The following PCDHGA3 variants were observed in gnomAD, a reference collection of about 807,000 sequenced individuals.
PCDHGA3 encodes the protein protocadherin gamma subfamily A, 3, also known as protocadherin gamma-A3.
Under a neutral mutation model 58.5 loss-of-function variants are expected in PCDHGA3, and 40 were observed. The observed-to-expected ratio is 0.68, with a 90% confidence interval of 0.53 to 0.89. The LOEUF is 0.89. PCDHGA3 is among the 40% of genes least tolerant of loss of function. The probability of loss-of-function intolerance (pLI) is 0.00; values close to 1 mark genes in which losing one functional copy is unlikely to be tolerated. For missense variants in PCDHGA3, 1,223 were observed against 1,195.9 expected, an observed-to-expected ratio of 1.02 and a Z score of -0.33; for synonymous variants, 530 against 525.7, an observed-to-expected ratio of 1.01 and a Z score of -0.11.
intron 1 of PCDHGA3, among the ~76,000 whole-genome samples, chr5:141,448,660 G>T (rs2098599264): frequency 6.6e-6 from 1 of 151,712 alleles, no homozygotes; most frequent in African/African-American, 2.4e-5. Context: ...TTCCATATTG[G>T]CCGGGCGCGG....
intron 1 of PCDHGA3, chr5:141,441,665 A>G (rs994092543): frequency 2.3e-5 from 6 of 265,720 alleles, no homozygotes; most frequent in Non-Finnish European, 3.7e-5. Context: ...CCTTGAGCGC[A>G]CAGTGCGCCT....
At position 141,408,301 on chromosome 5, in the gene PCDHGA3, C is replaced by T. The variant is rs1472435921; in HGVS notation, c.2424+61844C>T. 3.1e-6 allele frequency: 5 copies of T among 1,613,756 alleles called. No individual in the cohort carries two copies. In the Admixed American group the frequency reaches 8.3e-5, roughly 27 times the overall value. ...TCTACCCCACCCTGAGTGAGCCGAT[C>T]CGCTACTCGATTCCGGAGGAGCTGG... On this transcript the variant is annotated intron_variant, in intron 1 of 3. Transcript: ENST00000253812.
In PCDHGA3 at chr5:141,432,085, G is replaced by A. The variant is rs144065251; in HGVS notation, c.2425-62722G>A. 2.2e-4 allele frequency: 353 copies of A among 1,614,164 alleles called. 1 individual carries two copies. The African/African-American group carries it at 4.2e-3, about 19-fold the overall frequency. ...CGGAAACTCATATCTCGCTGAACGT[G>A]GCAGACACCAACGACAACCCGCCGG... On this transcript the variant is annotated intron_variant, in intron 1 of 3. Transcript: ENST00000253812. This position sits in a 1 kb window ranked among gnomAD's most constrained non-coding sequence, Gnocchi z 6.0.
chr5:141,429,169 TACACACACACACACACACAC>T (rs10667977), intron 1 of PCDHGA3: 4 of 145,394 alleles, frequency 2.8e-5, no homozygotes, highest in Non-Finnish European at 6.0e-5. Flanking sequence ...ACATTGTTTA[TACACACACACACACACACAC>T]ACACACACAC....
chr5:141,490,990 C>A lies in PCDHGA3; in HGVS notation c.2425-3817C>A, dbSNP rs1230384508. On this transcript the variant is annotated intron_variant, in intron 1 of 3. Transcript: ENST00000253812. The surrounding 1 kb of genome is among the most constrained non-coding windows in gnomAD (Gnocchi z 5.4). ...CCCCCAGCGTCTCCCTCGCTCTGCTCCTCCTGGCTCCTTGGTCACCAAGGT... is the reference window on the plus strand; with the variant it reads ...CCCCCAGCGTCTCCCTCGCTCTGCTACTCCTGGCTCCTTGGTCACCAAGGT... The A allele has an allele frequency of 6.2e-7, 1 of 1,614,102 alleles. No homozygotes were observed. The highest frequency in any genetic ancestry group is 8.5e-7 in the Non-Finnish European group (1 of 1,180,022).
At chr5:141,404,408 A>C (rs2154535328) in intron 1 of PCDHGA3, 1 of 1,613,900 alleles carries the variant, frequency 6.2e-7, no homozygotes, top group East Asian at 2.2e-5. Flanking sequence ...TGAGAATTCT[A>C]GAGTTATTTA....
chr5:141,414,486 AACGG>A, intron 1 of PCDHGA3: 1 of 1,613,938 alleles, frequency 6.2e-7, no homozygotes, highest in Non-Finnish European at 8.5e-7. Flanking sequence ...CTCCTCTATC[AACGG>A]AAGCTCACTT....
Position 141,399,846 on chromosome 5 carries a change from G to T in PCDHGA3, c.2424+53389G>T, listed in dbSNP as rs377634920. 19 of 1,612,980 alleles carry T rather than the reference G, an allele frequency of 1.2e-5. No homozygotes were observed. The highest frequency in any genetic ancestry group is 5.3e-5 in the African/African-American group (4 of 75,050). On this transcript the variant is annotated intron_variant, in intron 1 of 3. Transcript: ENST00000253812. ...CCGACGGCTCTGCGCTCTTCGATAT[G>T]GTGCCGCGCGCTGCAGAGCCCGGCT...
chr5:141,370,507 C>T, intron 1 of PCDHGA3: 3 of 1,613,920 alleles, frequency 1.9e-6, no homozygotes, highest in Non-Finnish European at 2.5e-6. Context: ...TACGCTATTC[C>T]CGAGGAGCTG....
At chr5:141,365,669 G>A (rs1304025932) in intron 1 of PCDHGA3, 2 of 1,613,344 alleles carry the variant, frequency 1.2e-6, no homozygotes, top group Admixed American at 3.3e-5. Flanking sequence ...AGACGTTAAT[G>A]ACAACCCACC....
intron 1 of PCDHGA3, among the ~76,000 whole-genome samples, chr5:141,481,728 C>T (rs529419213): frequency 2.1e-4 from 32 of 152,032 alleles, no homozygotes; most frequent in African/African-American, 7.2e-4. Flanking sequence ...CGGAGGCGGG[C>T]GGATCACGAG....
chr5:141,465,968 A>G (rs2099113507), intron 1 of PCDHGA3, among the ~76,000 whole-genome samples: 3 of 151,940 alleles, frequency 2.0e-5, no homozygotes, highest in Admixed American at 6.6e-5. Flanking sequence ...TAAAAATACA[A>G]AAAATTAGCC....
At chr5:141,407,276 T>C (rs1393118660) in intron 1 of PCDHGA3, among the ~76,000 whole-genome samples, 2 of 152,292 alleles carry the variant, frequency 1.3e-5, no homozygotes, top group East Asian at 3.9e-4. Context: ...AACAAGAAAA[T>C]TGTTACAATT....
At chr5:141,384,888 T>C in intron 1 of PCDHGA3, 2 of 1,613,854 alleles carry the variant, frequency 1.2e-6, no homozygotes, top group Non-Finnish European at 1.7e-6. Context: ...TCACCGTGGC[T>C]GTGGCTGACA....
chr5:141,385,545 A>G, intron 1 of PCDHGA3: 1 of 1,319,590 alleles, frequency 7.6e-7, no homozygotes, highest in Non-Finnish European at 9.7e-7. Flanking sequence ...TATGTGGACT[A>G]TCACATTTTA....
At chr5:141,420,412 T>A in intron 1 of PCDHGA3, 1 of 1,225,004 alleles carries the variant, frequency 8.2e-7, no homozygotes, top group Non-Finnish European at 1.1e-6. Flanking sequence ...TGGTTATCAT[T>A]ATTAAAACAA....
At chr5:141,403,507 A>G (rs373170550) in intron 1 of PCDHGA3, 1 of 1,614,006 alleles carries the variant, frequency 6.2e-7, no homozygotes, top group Non-Finnish European at 8.5e-7. Context: ...TGCAGACTGG[A>G]GACAATGGAG....
At chr5:141,384,000 T>C (rs1160567279) in intron 1 of PCDHGA3, 2 of 1,613,774 alleles carry the variant, frequency 1.2e-6, no homozygotes, top group African/African-American at 1.3e-5. Flanking sequence ...CAGTCATTGC[T>C]CTTTTCTACC....
At position 141,473,628 on chromosome 5, in the gene PCDHGA3, A is replaced by T. The variant is rs533175704; in HGVS notation, c.2425-21179A>T. The stretch of plus-strand genomic sequence containing the variant: ...AAAGCAAAGGGAGGGAGGAAAAAGC[A>T]GCTTTCCTGGCAAAGGAACAATTTG... On this transcript the variant is annotated intron_variant, in intron 1 of 3. Transcript: ENST00000253812. 4.6e-5 allele frequency among the ~76,000 whole-genome samples: 7 copies of T among 152,334 alleles called. No individual in the cohort carries two copies. In the South Asian group the frequency reaches 1.4e-3, roughly 32 times the overall value.
Sources: gnomAD v4.1 joint callset for allele counts (sites outside exome capture counted in the v4.1 genomes callset) on GRCh38, gnomAD v4.1.1 for gene constraint, Gnocchi (gnomAD v3.1) non-coding constraint, MANE v1.5 for transcripts, NCBI Gene and HGNC (gene_info 2026-07-23, HGNC 2026-07-21) for gene names.